CAMK1G: variants seen among roughly 807,000 people sequenced by gnomAD.
The protein encoded by CAMK1G is calcium/calmodulin dependent protein kinase IG, also known as calcium/calmodulin-dependent protein kinase type 1G.
In CAMK1G, 27 loss-of-function variants were observed where a neutral mutation model predicts 54.8. The ratio of observed to expected loss-of-function variants is 0.49; its 90% CI spans 0.36 to 0.68. The LOEUF (loss-of-function observed/expected upper bound fraction) is 0.68. CAMK1G is among the 30% of genes least tolerant of loss of function. CAMK1G has a pLI of 0.00. For synonymous variants in CAMK1G, 238 were observed against 224.9 expected, an observed-to-expected ratio of 1.06 and a Z score of -0.52; for missense variants, 512 against 591.0, an observed-to-expected ratio of 0.87 and a Z score of 1.39.
At chr1:209,607,713 T>C (rs927804926) in intron 6 of CAMK1G, 145 bp from the exon 7 acceptor site, 2 of 648,788 alleles carry the variant, frequency 3.1e-6, no homozygotes, top group Non-Finnish European at 2.8e-6. Flanking sequence ...ACACAGCCCC[T>C]ACCCTTAGGG....
chr1:209,607,870 T>G lies in CAMK1G; in HGVS notation c.572T>G (p.Leu191Arg). 1 of 1,613,436 alleles carries G rather than the reference T, an allele frequency of 6.2e-7. No homozygotes were observed. Among genetic ancestry groups the G allele is most frequent in the Non-Finnish European group, 8.5e-7 (1 of 1,179,712 alleles). ...TGGTCTGCTGCAGCTCCAGAAGTGC[T>G]GGCCCAGAAACCCTACAGCAAGGCT... Reference protein sequence around the residue: ...GTPGYVAPEVLAQKPYSKAVD... With the variant: ...GTPGYVAPEVRAQKPYSKAVD... The change falls in exon 7 of 13, where the codon CTG becomes CGG. Residue 191 changes from leucine to arginine, a missense_variant. Physicochemically the swap from Leu to Arg is moderately radical, Grantham distance 102. Coordinates refer to ENST00000361322, the MANE Select transcript of CAMK1G (RefSeq NM_020439.3).
intron 5 of CAMK1G, 21 bp downstream of exon 5, chr1:209,605,695 G>A: frequency 6.2e-7 from 1 of 1,608,260 alleles, no homozygotes; most frequent in Non-Finnish European, 8.5e-7. Flanking sequence ...GGGAGTCCTG[G>A]GTGGGAAACA....
At chr1:209,591,131 G>T (rs1038272822) in intron 1 of CAMK1G, among the ~76,000 whole-genome samples, 5 of 151,914 alleles carry the variant, frequency 3.3e-5, no homozygotes, top group African/African-American at 9.7e-5. Context: ...CACCAGTCAG[G>T]GTCCATTTGT....
chr1:209,584,797 A>G (rs1430891060), intron 1 of CAMK1G, among the ~76,000 whole-genome samples: 1 of 152,224 alleles, frequency 6.6e-6, no homozygotes, highest in Non-Finnish European at 1.5e-5. Flanking sequence ...CTGAAGACAG[A>G]ACAAGGTCCC....
intron 4 of CAMK1G, 68 bp downstream of exon 4, chr1:209,603,356 G>A: frequency 3.1e-6 from 4 of 1,294,496 alleles, no homozygotes; most frequent in Non-Finnish European, 4.5e-6. Context: ...CAGGAGGTTG[G>A]TCGCTGGTGA....
intron 1 of CAMK1G, among the ~76,000 whole-genome samples, chr1:209,591,742 A>T (rs7528698): frequency 6.6e-6 from 1 of 152,132 alleles, no homozygotes; most frequent in Non-Finnish European, 1.5e-5. Context: ...TGGATTCCAC[A>T]GTCCTCTGGA....
In CAMK1G at chr1:209,600,214, A is replaced by T. The variant is rs1459725867; in HGVS notation, c.221+103A>T. On this transcript the variant is annotated intron_variant, in intron 3 of 12. Transcript: ENST00000361322. Reference sequence around the variant, plus strand: ...GGACTGGATTTCTGCACCCAAAGGCATTGCTCACTTTGATTGAGTTGATGG... The same window carrying T: ...GGACTGGATTTCTGCACCCAAAGGCTTTGCTCACTTTGATTGAGTTGATGG... 3 of 1,379,304 alleles carry T rather than the reference A, an allele frequency of 2.2e-6. No homozygotes were observed. The African/African-American group carries it at 4.3e-5, about 20-fold the overall frequency. The allele number at this position is 1,379,304 out of a possible 1,614,324, so 85.4% of individuals were successfully genotyped here.
intron 4 of CAMK1G, among the ~76,000 whole-genome samples, chr1:209,604,032 A>G (rs566770145): frequency 7.2e-5 from 11 of 152,368 alleles, no homozygotes; most frequent in African/African-American, 2.4e-4. Context: ...AAGTACACAC[A>G]CACACACAAA....
chr1:209,586,211 G>A (rs1443648303), intron 1 of CAMK1G, among the ~76,000 whole-genome samples: 1 of 152,204 alleles, frequency 6.6e-6, no homozygotes, highest in Non-Finnish European at 1.5e-5. Flanking sequence ...CTGTACAAAA[G>A]AGGCACCTCT....
At chr1:209,591,136 A>G (rs1665237655) in intron 1 of CAMK1G, among the ~76,000 whole-genome samples, 1 of 152,024 alleles carries the variant, frequency 6.6e-6, no homozygotes, top group Non-Finnish European at 1.5e-5. Flanking sequence ...GTCAGGGTCC[A>G]TTTGTCTCCA....
chr1:209,589,111 T>C (rs975197738), intron 1 of CAMK1G, among the ~76,000 whole-genome samples: 1 of 152,164 alleles, frequency 6.6e-6, no homozygotes, highest in African/African-American at 2.4e-5. Context: ...TTACTTCCTA[T>C]AGAGGAGATC....
In CAMK1G at chr1:209,612,208, C is replaced by A. The variant is rs769807413; in HGVS notation, c.1332C>A (p.Asn444Lys). Reference protein sequence around the residue: ...CSEPTLLKKANKKQNFKSEVM... With the variant: ...CSEPTLLKKAKKKQNFKSEVM... The stretch of plus-strand genomic sequence containing the variant: ...AGCCCACACTCCTCAAAAAGGCCAA[C>A]AAAAAACAGTACGTATTTTTAGCCA... Residue 444 changes from asparagine (N) to lysine (K), a missense_variant, in exon 11 of 13, where the codon AAC (asparagine) becomes AAA (lysine). Physicochemically the swap from Asn to Lys is moderately conservative, Grantham distance 94. This residue lies in a region of CAMK1G where 315 missense variants were observed against 330.5 expected (regional missense o/e 0.95). Coordinates refer to ENST00000361322, the MANE Select transcript of CAMK1G (RefSeq NM_020439.3). The A allele has an allele frequency of 1.2e-6, 2 of 1,612,056 alleles. No homozygotes were observed. The highest frequency in any genetic ancestry group is 1.3e-5 in the African/African-American group (1 of 74,766).
At chr1:209,595,765 A>G (rs1665365106) in intron 2 of CAMK1G, among the ~76,000 whole-genome samples, 1 of 152,090 alleles carries the variant, frequency 6.6e-6, no homozygotes, top group Non-Finnish European at 1.5e-5. Context: ...CTCCATATCC[A>G]AGTGTTTCAG....
At chr1:209,603,839 C>T (rs536753379) in intron 4 of CAMK1G, among the ~76,000 whole-genome samples, 30 of 152,224 alleles carry the variant, frequency 2.0e-4, no homozygotes, top group African/African-American at 6.7e-4. Context: ...ACAGAGTCAC[C>T]CAAAGTTAAA....
intron 8 of CAMK1G, among the ~76,000 whole-genome samples, chr1:209,609,570 C>T (rs1044585394): frequency 3.9e-5 from 6 of 152,238 alleles, no homozygotes; most frequent in Non-Finnish European, 7.3e-5. Flanking sequence ...TCAGTGCAAA[C>T]ACATGCACAT....
intron 3 of CAMK1G, among the ~76,000 whole-genome samples, chr1:209,602,098 C>A (rs1157581917): frequency 6.6e-6 from 1 of 152,186 alleles, no homozygotes; most frequent in African/African-American, 2.4e-5. Context: ...TTGACTCAGT[C>A]TCTGAGTAAC....
chr1:209,602,163 T>C (rs1279711089), intron 3 of CAMK1G, among the ~76,000 whole-genome samples: 2 of 152,150 alleles, frequency 1.3e-5, no homozygotes, highest in Non-Finnish European at 2.9e-5. Context: ...TGTCGACATT[T>C]TGAAACAGAT....
chr1:209,584,659 G>C (rs1421957598), intron 1 of CAMK1G, among the ~76,000 whole-genome samples: 1 of 152,190 alleles, frequency 6.6e-6, no homozygotes, highest in African/African-American at 2.4e-5. Flanking sequence ...TCTGGCTGCA[G>C]TGCTTGTCTG....
intron 2 of CAMK1G, 127 bp downstream of exon 2, chr1:209,595,202 T>A: frequency 1.5e-6 from 1 of 686,252 alleles, no homozygotes; most frequent in Non-Finnish European, 2.5e-6. Context: ...TCGATTTATT[T>A]AAGGGACTTA....
Sources: allele counts gnomAD v4.1 joint callset (sites outside exome capture counted in the v4.1 genomes callset), GRCh38; gene constraint gnomAD v4.1.1; regional missense constraint gnomAD v4.1.1; transcripts MANE v1.5; gene names NCBI Gene and HGNC (gene_info 2026-07-23, HGNC 2026-07-21).